Variants in EGF observed in about 807,000 individuals in gnomAD.
The protein encoded by EGF is epidermal growth factor.
In EGF, 95 loss-of-function variants were observed where a neutral mutation model predicts 143.8. The observed-to-expected ratio is 0.66, with a 90% CI of 0.56 to 0.78. The LOEUF is 0.78. Among genes scored for constraint, EGF ranks in the 30% least tolerant of loss-of-function variants. The probability of loss-of-function intolerance (pLI) is 0.00; values close to 1 mark genes in which losing one functional copy is unlikely to be tolerated. For synonymous variants in EGF, 510 were observed against 510.5 expected (o/e 1.00, Z 0.01); for missense variants, 1,320 against 1,470.9 (o/e 0.90, Z 1.68).
At chr4:109,997,685 C>T (rs779793594) in intron 20 of EGF, among the ~76,000 whole-genome samples, 3 of 152,020 alleles carry the variant, frequency 2.0e-5, no homozygotes, top group Non-Finnish European at 4.4e-5. Context: ...CTCCTGACCT[C>T]GTGATCCGCC....
intron 11 of EGF, among the ~76,000 whole-genome samples, chr4:109,970,691 G>A (rs1267489410): frequency 6.6e-6 from 1 of 152,028 alleles, no homozygotes; most frequent in Non-Finnish European, 1.5e-5. Context: ...CCGGGCGGGT[G>A]GTGGGCGCCT....
chr4:109,952,012 T>C (rs1157046876), intron 5 of EGF, among the ~76,000 whole-genome samples: 1 of 152,148 alleles, frequency 6.6e-6, no homozygotes, highest in Non-Finnish European at 1.5e-5. Context: ...CTCTCTTACT[T>C]CTCCCCGGCT....
In EGF at chr4:109,945,058, G is replaced by A. The variant is rs996244030; in HGVS notation, c.738-15G>A. On this transcript the variant is annotated splice_polypyrimidine_tract_variant and intron_variant, in intron 4 of 23. Coordinates refer to ENST00000265171, the MANE Select transcript of EGF (RefSeq NM_001963.6). ...ATGTTCTGTTGTTCTTTTTTCTTTTGTGGTTGCTTTTTAGGCATAATTTGT... is the reference window on the plus strand; with the variant it reads ...ATGTTCTGTTGTTCTTTTTTCTTTTATGGTTGCTTTTTAGGCATAATTTGT... 3 of 1,612,510 alleles carry A rather than the reference G, an allele frequency of 1.9e-6. No individual in the cohort carries two copies. Among genetic ancestry groups the A allele is most frequent in the Non-Finnish European group, 2.5e-6 (3 of 1,179,248 alleles).
intron 1 of EGF, among the ~76,000 whole-genome samples, chr4:109,913,729 T>A (rs960319677): frequency 1.3e-5 from 2 of 152,216 alleles, no homozygotes; most frequent in East Asian, 3.9e-4. Context: ...GAACATTTCA[T>A]GGAAGCTTCA....
chr4:109,952,802 A>G (rs1308528780), intron 5 of EGF, among the ~76,000 whole-genome samples: 1 of 152,200 alleles, frequency 6.6e-6, no homozygotes, highest in African/African-American at 2.4e-5. Flanking sequence ...TTGCCCTGAC[A>G]CCAAATGGCT....
rs556458855 is a variant in EGF at position 109,969,162 on chromosome 4, G to T, written c.1724+43G>T. 188 of 1,612,550 alleles carry T rather than the reference G, an allele frequency of 1.2e-4. 2 individuals are homozygous for T. The South Asian group carries it at 1.9e-3, about 16-fold the overall frequency. On this transcript the variant is annotated intron_variant, in intron 11 of 23. Transcript: ENST00000265171. ...GTTTTAAGCTGTGTGAGATGGGAGT[G>T]ATGGGATAGGTAATACTATTGGCTT...
chr4:109,972,060 C>T (rs987516957), intron 11 of EGF, among the ~76,000 whole-genome samples: 3 of 151,970 alleles, frequency 2.0e-5, no homozygotes, highest in Non-Finnish European at 2.9e-5. Context: ...AAAAAAATCA[C>T]TCTTCTAGGG....
At chr4:109,969,728 G>T (rs1389158188) in intron 11 of EGF, among the ~76,000 whole-genome samples, 1 of 152,096 alleles carries the variant, frequency 6.6e-6, no homozygotes, top group African/African-American at 2.4e-5. Flanking sequence ...GACTTTCTCC[G>T]AAGTCACATG....
chr4:109,919,310 TCTCTCTCTCTCTC>T (rs1560623115), intron 1 of EGF, among the ~76,000 whole-genome samples: 30 of 146,328 alleles, frequency 2.1e-4, no homozygotes, highest in African/African-American at 5.5e-4. Context: ...TCTCTCTCTC[TCTCTCTCTCTCTC>T]TCTCTCTCTC....
At chr4:109,980,638 C>T (rs2126116592) in intron 14 of EGF, 188 bp from the exon 15 acceptor site, 2 of 667,532 alleles carry the variant, frequency 3.0e-6, no homozygotes, top group East Asian at 2.9e-5. Flanking sequence ...ACATTCTGGG[C>T]TTATCTTAGA....
At chr4:109,915,173 G>C (rs941424663) in intron 1 of EGF, among the ~76,000 whole-genome samples, 8 of 152,156 alleles carry the variant, frequency 5.3e-5, no homozygotes, top group African/African-American at 1.9e-4. Context: ...ACAATAAGTT[G>C]GGGAGACTGT....
chr4:110,008,334 A>G (rs1578415240), intron 23 of EGF, 104 bp downstream of exon 23: 1 of 1,351,908 alleles, frequency 7.4e-7, no homozygotes, highest in East Asian at 2.4e-5. Flanking sequence ...ACACAAACAA[A>G]ATAACTAAAT....
chr4:109,966,989 G>T (rs1368982007), intron 10 of EGF, among the ~76,000 whole-genome samples: 1 of 152,052 alleles, frequency 6.6e-6, no homozygotes, highest in South Asian at 2.1e-4. Context: ...CCATACTGTA[G>T]GTTATCTGTT....
At position 110,009,410 on chromosome 4, in the gene EGF, A is replaced by ATTCT. The variant is rs561115767; in HGVS notation, c.3370+1182_3370+1185dup. On this transcript the variant is annotated intron_variant, in intron 23 of 23. Transcript: ENST00000265171. Reference sequence around the variant, plus strand: ...TTCCTTGAGCAGCTAAAAGTGCATAATTCTTACAATGGTAACCCACTATAG... The same window carrying ATTCT: ...TTCCTTGAGCAGCTAAAAGTGCATAATTCTTTCTTACAATGGTAACCCACTATAG... 7.0e-3 allele frequency among the ~76,000 whole-genome samples: 1,066 copies of ATTCT among 152,342 alleles called. 16 individuals are homozygous for ATTCT. Among genetic ancestry groups the ATTCT allele is most frequent in the African/African-American group, 0.024 (1,008 of 41,582 alleles).
intron 7 of EGF, 118 bp from the exon 8 acceptor site, chr4:109,961,745 T>A: frequency 2.2e-6 from 3 of 1,360,740 alleles, no homozygotes; most frequent in Non-Finnish European, 3.1e-6. Flanking sequence ...ACACCTGTAA[T>A]CCCAACACTT....
chr4:109,981,659 T>A (rs1749378608), intron 15 of EGF, among the ~76,000 whole-genome samples: 1 of 152,150 alleles, frequency 6.6e-6, no homozygotes, highest in African/African-American at 2.4e-5. Context: ...ATTTATCTGG[T>A]AGGCATGGTG....
chr4:109,943,994 G>C lies in EGF; in HGVS notation c.662G>C (p.Arg221Thr), dbSNP rs144437729. The C allele has an allele frequency of 7.2e-4, 1,159 of 1,614,226 alleles. 1 individual carries two copies. Among genetic ancestry groups the C allele is most frequent in the Non-Finnish European group, 8.9e-4 (1,056 of 1,180,042 alleles). Residue 221 changes from arginine to threonine, a missense_variant, in exon 4 of 24, where the codon AGA becomes ACA. By Grantham distance (71) the Arg-to-Thr change is moderately conservative (BLOSUM62 -1). Transcript: ENST00000265171. ...DKRLFWIQYNREGSNSLICSC... is the reference protein window; with the variant it reads ...DKRLFWIQYNTEGSNSLICSC... ...CGGCTGTTTTGGATTCAGTACAACAGAGAAGGAAGCAATTCTCTTATTTGC... is the reference window on the plus strand; with the variant it reads ...CGGCTGTTTTGGATTCAGTACAACACAGAAGGAAGCAATTCTCTTATTTGC...
Position 109,928,211 on chromosome 4 carries a change from A to G in EGF, c.128-12735A>G, listed in dbSNP as rs554647809. On this transcript the variant is annotated intron_variant, in intron 1 of 23. Coordinates refer to ENST00000265171, the MANE Select transcript of EGF (RefSeq NM_001963.6). ...GTGAAAGGCCAGTCTTTTTCAACAA[A>G]GGGTGTTGGACCAATTAGACATCTA... Among the ~76,000 whole-genome samples, 6 of 152,298 alleles carry G rather than the reference A, an allele frequency of 3.9e-5. No individual in the cohort carries two copies. The East Asian group carries it at 1.2e-3, about 29-fold the overall frequency.
At chr4:109,941,208 T>C in intron 2 of EGF, 63 bp downstream of exon 2, 7 of 1,438,676 alleles carry the variant, frequency 4.9e-6, no homozygotes, top group Non-Finnish European at 6.8e-6. Flanking sequence ...TATAATATAC[T>C]GAATTCTTAA....
Sources: allele counts gnomAD v4.1 joint callset (sites outside exome capture counted in the v4.1 genomes callset), GRCh38; gene constraint gnomAD v4.1.1; transcripts MANE v1.5; gene names NCBI Gene and HGNC (gene_info 2026-07-23, HGNC 2026-07-21).